Variants in CHIC2 observed in about 807,000 individuals in gnomAD.
CHIC2 encodes the protein cysteine-rich hydrophobic domain-containing protein 2.
CHIC2 carries 14 observed loss-of-function variants against 25.9 expected under a neutral mutation model. The observed-to-expected ratio is 0.54, with a 90% CI of 0.36 to 0.85. CHIC2 has a LOEUF of 0.85. Ranked by LOEUF, CHIC2 falls within the 40% of genes least tolerant of loss-of-function variation. The pLI, the probability that CHIC2 is intolerant of heterozygous loss-of-function variation, is 0.01. For synonymous variants in CHIC2, 70 were observed against 72.0 expected (o/e 0.97, Z 0.14); for missense variants, 146 against 202.0 (o/e 0.72, Z 1.68).
the CHIC2 span, chr4:54,087,832 C>T: frequency 5.4e-6 from 2 of 369,772 alleles, no homozygotes; most frequent in East Asian, 4.7e-5. Flanking sequence ...TCTGGAAACA[C>T]TTTTTGTTCT....
chr4:54,034,585 T>C (rs150974675), intron 3 of CHIC2, among the ~76,000 whole-genome samples: 1 of 151,960 alleles, frequency 6.6e-6, no homozygotes, highest in Non-Finnish European at 1.5e-5. Flanking sequence ...TGTTTTTCAT[T>C]TTAATTTTTT....
In CHIC2 at chr4:54,064,391, G is replaced by C. The variant is rs1458042463; in HGVS notation, c.-91C>G. On this transcript the variant is annotated 5_prime_UTR_variant, in exon 1 of 6. Transcript: ENST00000263921. This position sits in a 1 kb window ranked among gnomAD's most constrained non-coding sequence, Gnocchi z 4.2. ...GGCGAGGCGGCGGAGGCTGAGGGGA[G>C]TCGCCGCTGCCGCCGGCTCCGAGGC... The C allele has an allele frequency of 2.6e-6, 4 of 1,557,054 alleles. No individual in the cohort carries two copies. Among genetic ancestry groups the C allele is most frequent in the Non-Finnish European group, 3.5e-6 (4 of 1,154,602 alleles).
chr4:54,075,513 G>A, the CHIC2 span, among the ~76,000 whole-genome samples: 3 of 151,960 alleles, frequency 2.0e-5, no homozygotes, highest in Admixed American at 2.0e-4. Flanking sequence ...AAAAATAAGG[G>A]GAAAAATCAG....
chr4:54,087,755 C>G, the CHIC2 span: 1 of 490,906 alleles, frequency 2.0e-6, no homozygotes. Flanking sequence ...TACAAAGTAG[C>G]TTCTGCTAAG....
chr4:54,089,282 A>G, the CHIC2 span, among the ~76,000 whole-genome samples: 1 of 152,118 alleles, frequency 6.6e-6, no homozygotes, highest in Admixed American at 6.5e-5. Context: ...AAACATCTCA[A>G]TAATGAAATC....
chr4:54,044,190 C>T (rs1401037180), intron 3 of CHIC2, among the ~76,000 whole-genome samples: 1 of 152,106 alleles, frequency 6.6e-6, no homozygotes, highest in Non-Finnish European at 1.5e-5. Context: ...CTTACACTCC[C>T]ACACAATAAT....
Position 54,045,309 on chromosome 4 carries a change from A to T in CHIC2, c.330+3646T>A, listed in dbSNP as rs201522071. 0.012 allele frequency among the ~76,000 whole-genome samples: 1,878 copies of T among 152,320 alleles called. 100 individuals carry two copies. In the East Asian group the frequency reaches 0.19, roughly 16 times the overall value. ...CCCTAACTCATTTTATGAGGCCAGC[A>T]TCATCCTGATACCAAAGCCGGGCAG... On this transcript the variant is annotated intron_variant, in intron 3 of 5. Coordinates refer to ENST00000263921, the MANE Select transcript of CHIC2 (RefSeq NM_012110.4).
Position 54,055,676 on chromosome 4 carries a change from G to A in CHIC2, c.120-6371C>T, listed in dbSNP as rs1228022707. On this transcript the variant is annotated intron_variant, in intron 1 of 5. Coordinates refer to ENST00000263921, the MANE Select transcript of CHIC2 (RefSeq NM_012110.4). ...ATTGGTTATGCAGATGGCACATGAA[G>A]AGAGTGCTTATTTCCTAATGTTGAA... Among the ~76,000 whole-genome samples the A allele has an allele frequency of 2.6e-5, 4 of 152,296 alleles. No homozygotes were observed. The East Asian group carries it at 7.7e-4, about 29-fold the overall frequency.
intron 5 of CHIC2, among the ~76,000 whole-genome samples, chr4:54,011,803 G>A (rs988551095): frequency 2.0e-5 from 3 of 151,690 alleles, no homozygotes; most frequent in African/African-American, 4.8e-5. Flanking sequence ...TCTGAACAAA[G>A]AAAAGTTAGT....
chr4:54,029,041 C>T (rs550994420), intron 3 of CHIC2, among the ~76,000 whole-genome samples: 1 of 151,072 alleles, frequency 6.6e-6, no homozygotes, highest in African/African-American at 2.4e-5. Context: ...GACAATCACT[C>T]GAACTGGGGA....
the CHIC2 span, among the ~76,000 whole-genome samples, chr4:54,070,967 G>T: frequency 6.6e-6 from 1 of 152,134 alleles, no homozygotes. Context: ...AGAGTTTTTG[G>T]TGCCCGCAGT....
rs529972823 is a variant in CHIC2 at position 54,016,867 on chromosome 4, C to T, written c.331-2748G>A. On this transcript the variant is annotated intron_variant, in intron 3 of 5. Transcript: ENST00000263921. ...AAAAAAAAAAGGAAAGAAACTGTGC[C>T]ACAAATTATTTGTTAGTAACAACAA... Among the ~76,000 whole-genome samples, 11 of 149,996 alleles carry T rather than the reference C, an allele frequency of 7.3e-5. No homozygotes were observed. In the East Asian group the frequency reaches 2.0e-3, roughly 27 times the overall value.
At chr4:54,028,313 A>T (rs1716122530) in intron 3 of CHIC2, among the ~76,000 whole-genome samples, 2 of 152,190 alleles carry the variant, frequency 1.3e-5, no homozygotes, top group African/African-American at 4.8e-5. Flanking sequence ...TTAATAATAA[A>T]AAATAGCTTG....
intron 3 of CHIC2, among the ~76,000 whole-genome samples, chr4:54,041,538 TAAAG>T (rs1219133828): frequency 6.6e-6 from 1 of 152,162 alleles, no homozygotes; most frequent in East Asian, 1.9e-4. Context: ...CTTCATCACT[TAAAG>T]AAATCACAGA....
Position 54,049,068 on chromosome 4 carries a change from T to C in CHIC2, c.217A>G (p.Ser73Gly), listed in dbSNP as rs1190230747. 2 of 1,610,972 alleles carry C rather than the reference T, an allele frequency of 1.2e-6. No individual in the cohort carries two copies. Among genetic ancestry groups the C allele is most frequent in the East Asian group, 2.2e-5 (1 of 44,826 alleles). Reference protein sequence around the residue: ...EFKASINRVNSCLKKNLPVNV... With the variant: ...EFKASINRVNGCLKKNLPVNV... Reference sequence around the variant, plus strand: ...ACAGGAAGGTTCTTCTTAAGACAACTGTTAACTCTGTTGATGCTGGCTTTA... The same window carrying C: ...ACAGGAAGGTTCTTCTTAAGACAACCGTTAACTCTGTTGATGCTGGCTTTA... The change falls in exon 3 of 6, where the codon AGT becomes GGT. Residue 73 changes from serine (S) to glycine (G), a missense_variant. Ser to Gly is a moderately conservative substitution (Grantham distance 56, BLOSUM62 0). Transcript: ENST00000263921.
chr4:54,028,442 A>G (rs756407801), intron 3 of CHIC2, among the ~76,000 whole-genome samples: 7 of 152,196 alleles, frequency 4.6e-5, no homozygotes, highest in African/African-American at 7.2e-5. Flanking sequence ...TTGACTTCTG[A>G]GCCTCAGTTT....
the CHIC2 span, among the ~76,000 whole-genome samples, chr4:54,070,979 T>C: frequency 6.6e-6 from 1 of 152,186 alleles, no homozygotes. Context: ...GCCCGCAGTA[T>C]AAGTAATAGA....
chr4:54,089,978 T>G, the CHIC2 span, among the ~76,000 whole-genome samples: 5 of 152,152 alleles, frequency 3.3e-5, no homozygotes, highest in African/African-American at 4.8e-5. Flanking sequence ...ATAAAAAACT[T>G]TTAGGCTATG....
intron 1 of CHIC2, among the ~76,000 whole-genome samples, chr4:54,058,576 A>ACACG: frequency 6.6e-6 from 1 of 151,704 alleles, no homozygotes; most frequent in Non-Finnish European, 1.5e-5. Flanking sequence ...ACACACACAC[A>ACACG]CACACACACA....
Sources: gnomAD v4.1 joint callset for allele counts (sites outside exome capture counted in the v4.1 genomes callset) on GRCh38, gnomAD v4.1.1 for gene constraint, Gnocchi (gnomAD v3.1) non-coding constraint, MANE v1.5 for transcripts, NCBI Gene and HGNC (gene_info 2026-07-23, HGNC 2026-07-21) for gene names.